Variants in HSP90B1 observed in about 807,000 individuals in gnomAD.
HSP90B1 encodes the protein endoplasmin.
A neutral mutation model predicts 100.4 loss-of-function variants in HSP90B1; 27 were observed. The observed-to-expected ratio is 0.27, with a 90% CI of 0.20 to 0.37. The LOEUF is 0.37. Ranked by LOEUF, HSP90B1 falls within the 10% of genes least tolerant of loss-of-function variation. The pLI is 1.00. For synonymous variants in HSP90B1, 304 were observed against 330.8 expected (o/e 0.92, Z 0.88); for missense variants, 678 against 960.5 (o/e 0.71, Z 3.89).
intron 5 of HSP90B1, among the ~76,000 whole-genome samples, chr12:103,935,656 G>C (rs180676983): frequency 1.3e-5 from 2 of 151,954 alleles, no homozygotes; most frequent in Non-Finnish European, 2.9e-5. Flanking sequence ...CCCTGCCTTC[G>C]TCACTAACAT....
intron 2 of HSP90B1, 123 bp from the exon 3 acceptor site, chr12:103,932,154 A>T: frequency 1.4e-6 from 1 of 695,928 alleles, no homozygotes; most frequent in East Asian, 2.8e-5. Flanking sequence ...GTTATATTTT[A>T]TAAAGGTTTC....
chr12:103,934,373 T>C (rs969633695), intron 5 of HSP90B1, 86 bp downstream of exon 5: 9 of 1,069,566 alleles, frequency 8.4e-6, no homozygotes, highest in Non-Finnish European at 9.5e-6. Flanking sequence ...AAATGACTTA[T>C]TCTGGGCCTT....
At chr12:103,939,068 C>G (rs1223642591) in intron 7 of HSP90B1, among the ~76,000 whole-genome samples, 1 of 150,196 alleles carries the variant, frequency 6.7e-6, no homozygotes, top group African/African-American at 2.4e-5. Flanking sequence ...TGGCAGAAAC[C>G]TTACTAGATA....
rs1870112282 is a variant in HSP90B1, at chr12:103,942,670, T to A, written c.1518T>A (p.Leu506=). Residue 506 remains leucine (L), a synonymous_variant, in exon 12 of 18, where the codon CTT becomes CTA. Transcript: ENST00000299767. The part of the protein sequence containing the change: ...VIEDHSNRTR[L]AKLLRFQSSH... ...AAGACCACTCGAATCGAACACGTCT[T>A]GCTAAACTTCTTAGGTTCCAGTCTT... The A allele has an allele frequency of 6.8e-6, 11 of 1,614,020 alleles. No individual in the cohort carries two copies. Among genetic ancestry groups the A allele is most frequent in the Non-Finnish European group, 8.5e-6 (10 of 1,179,888 alleles).
At chr12:103,946,072 G>A (rs1380628446) in intron 14 of HSP90B1, among the ~76,000 whole-genome samples, 1 of 152,158 alleles carries the variant, frequency 6.6e-6, no homozygotes, top group African/African-American at 2.4e-5. Flanking sequence ...ATCTTCCCAT[G>A]TACTTTAAAT....
chr12:103,943,918 C>T lies in HSP90B1; in HGVS notation c.2027+44C>T. ...GTCCCTGCCAGGGCGTTGCCCCTTA[C>T]CCAATCTTTGTTTTGGAGATAATAC... On this transcript the variant is annotated intron_variant, in intron 14 of 17. Transcript: ENST00000299767. The surrounding 1 kb of genome is among the most constrained non-coding windows in gnomAD (Gnocchi z 5.3). The T allele has an allele frequency of 6.4e-7, 1 of 1,569,042 alleles. No homozygotes were observed. The highest frequency in any genetic ancestry group is 8.6e-7 in the Non-Finnish European group (1 of 1,156,804).
At position 103,938,366 on chromosome 12, in the gene HSP90B1, G is replaced by A. The variant is rs375011875; in HGVS notation, c.882G>A (p.Glu294=). ...SKTETVEEPM[E]EEEAAKEEKE... is the part of the protein sequence containing the mutation. ...CTGAAACTGTTGAGGAGCCCATGGA[G>A]GAAGAAGAAGCAGCCAAAGAAGAGA... Residue 294 remains glutamate, a synonymous_variant, in exon 7 of 18, where the codon GAG becomes GAA. Coordinates refer to ENST00000299767, the MANE Select transcript of HSP90B1 (RefSeq NM_003299.3). 4 of 1,562,546 alleles carry A rather than the reference G, an allele frequency of 2.6e-6. No individual in the cohort carries two copies. In the African/African-American group the frequency reaches 4.1e-5, roughly 16 times the overall value.
At position 103,942,382 on chromosome 12, in the gene HSP90B1, T is replaced by C. The variant is rs1428903674; in HGVS notation, c.1375-145T>C. 8.5e-6 allele frequency: 6 copies of C among 706,834 alleles called. No individual in the cohort carries two copies. In the East Asian group the frequency reaches 1.1e-4, roughly 13 times the overall value. 43.8% of individuals were successfully genotyped at this position (706,834 alleles called of 1,614,324 possible). A position where few individuals can be genotyped will look rare whatever the true frequency, so the allele number is the denominator to read the frequency against. On this transcript the variant is annotated intron_variant, in intron 11 of 17. Coordinates refer to ENST00000299767, the MANE Select transcript of HSP90B1 (RefSeq NM_003299.3). ...TGAATTTCAGCCCAATCTGAATGAATTGGAGTGCTTCACCATTTCCTGCCC... is the reference window on the plus strand; with the variant it reads ...TGAATTTCAGCCCAATCTGAATGAACTGGAGTGCTTCACCATTTCCTGCCC...
intron 5 of HSP90B1, 73 bp downstream of exon 5, chr12:103,934,360 A>G: frequency 8.4e-7 from 1 of 1,184,570 alleles, no homozygotes; most frequent in Non-Finnish European, 1.2e-6. Context: ...CTATTCTCTG[A>G]GCAAATGACT....
chr12:103,947,646 A>G lies in HSP90B1; in HGVS notation c.2396A>G (p.Glu799Gly). 1 of 1,594,252 alleles carries G rather than the reference A, an allele frequency of 6.3e-7. No individual in the cohort carries two copies. The highest frequency in any genetic ancestry group is 8.6e-7 in the Non-Finnish European group (1 of 1,165,974). ...EEETAKESTA[E>G]KDEL ...ATTTATTTACAGGAATCTACAGCTG[A>G]AAAAGATGAATTGTAAATTATACTC... The change falls in exon 18 of 18, where the codon GAA becomes GGA. Residue 799 changes from glutamate to glycine, a missense_variant. Transcript: ENST00000299767.
At chr12:103,938,211 A>T in intron 6 of HSP90B1, 129 bp from the exon 7 acceptor site, 2 of 673,078 alleles carry the variant, frequency 3.0e-6, no homozygotes, top group Non-Finnish European at 4.7e-6. Context: ...GTGGTCTATT[A>T]GTTAAGGATA....
At position 103,933,946 on chromosome 12, in the gene HSP90B1, T is replaced by C; in HGVS notation, c.412-10T>C. On this transcript the variant is annotated splice_polypyrimidine_tract_variant and intron_variant, in intron 4 of 17. Coordinates refer to ENST00000299767, the MANE Select transcript of HSP90B1 (RefSeq NM_003299.3). ...TAAATACAACTATCTGGTTCTTGTC[T>C]TGCATTTAGTGTGATAAGGAGAAGA... The C allele has an allele frequency of 6.2e-7, 1 of 1,601,234 alleles. No homozygotes were observed. Among genetic ancestry groups the C allele is most frequent in the Non-Finnish European group, 8.5e-7 (1 of 1,170,092 alleles).
intron 11 of HSP90B1, among the ~76,000 whole-genome samples, chr12:103,942,286 G>C (rs1440197877): frequency 1.3e-5 from 2 of 152,188 alleles, no homozygotes; most frequent in African/African-American, 4.8e-5. Context: ...ATGCTAGAGA[G>C]AGAGTATCAC....
Position 103,946,604 on chromosome 12 carries a change from TTA to T in HSP90B1, c.2028-12_2028-11del. On this transcript the variant is annotated splice_polypyrimidine_tract_variant and intron_variant, in intron 14 of 17. Transcript: ENST00000299767. ...GGATATGTTTTGTTAATGTTCATTT[TTA>T]TCTCTTAACAGTTACTATGCGAGTC... is the stretch of plus-strand genomic sequence containing the variant. 6.3e-7 allele frequency: 1 copy of T among 1,593,614 alleles called. No homozygotes were observed. The highest frequency in any genetic ancestry group is 2.2e-5 in the East Asian group (1 of 44,756).
At chr12:103,942,244 T>C (rs758637454) in intron 11 of HSP90B1, among the ~76,000 whole-genome samples, 33 of 152,194 alleles carry the variant, frequency 2.2e-4, no homozygotes, top group Non-Finnish European at 4.6e-4. Flanking sequence ...TTAAAAGTAT[T>C]TGAAAGTAGC....
intron 4 of HSP90B1, 122 bp from the exon 5 acceptor site, chr12:103,933,834 A>T: frequency 1.4e-6 from 1 of 706,438 alleles, no homozygotes; most frequent in Admixed American, 2.9e-5. Flanking sequence ...TGTGGAGGAA[A>T]ATATCTCAGT....
chr12:103,944,482 CTT>C (rs1870168207), intron 14 of HSP90B1, among the ~76,000 whole-genome samples: 1 of 152,028 alleles, frequency 6.6e-6, no homozygotes, highest in African/African-American at 2.4e-5. Flanking sequence ...TTTATTCTCT[CTT>C]CTTTCACCTG....
rs1219171564 is a variant in HSP90B1, at chr12:103,941,633, A to G, written c.1235A>G (p.Tyr412Cys). ...GSKKSDYIKLYVRRVFITDDF... is the reference protein window; with the variant it reads ...GSKKSDYIKLCVRRVFITDDF... ...ACTTTTTTTTGGTCTCTTTAGCTCTATGTGCGCCGTGTATTCATCACAGAC... is the reference window on the plus strand; with the variant it reads ...ACTTTTTTTTGGTCTCTTTAGCTCTGTGTGCGCCGTGTATTCATCACAGAC... Residue 412 changes from tyrosine to cysteine, a missense_variant, in exon 10 of 18, where the codon TAT (tyrosine) becomes TGT (cysteine). Around this residue, in one of 8 missense-constraint regions of HSP90B1, gnomAD observed 44 missense variants for 110.8 expected, o/e 0.40. Coordinates refer to ENST00000299767, the MANE Select transcript of HSP90B1 (RefSeq NM_003299.3). 6 of 1,614,024 alleles carry G rather than the reference A, an allele frequency of 3.7e-6. No individual in the cohort carries two copies. The highest frequency in any genetic ancestry group is 5.1e-6 in the Non-Finnish European group (6 of 1,179,998).
chr12:103,934,397 T>G, intron 5 of HSP90B1, 110 bp downstream of exon 5: 1 of 876,358 alleles, frequency 1.1e-6, no homozygotes, highest in Non-Finnish European at 1.8e-6. Context: ...TTTCCTGCCT[T>G]ATAAAATGAG....
Sources: allele counts gnomAD v4.1 joint callset (sites outside exome capture counted in the v4.1 genomes callset), GRCh38; gene constraint gnomAD v4.1.1; regional missense constraint gnomAD v4.1.1; non-coding constraint Gnocchi (gnomAD v3.1); transcripts MANE v1.5; gene names NCBI Gene and HGNC (gene_info 2026-07-23, HGNC 2026-07-21).